HPCAL1: variants seen among roughly 807,000 people sequenced by gnomAD.
The protein encoded by HPCAL1 is hippocalcin like 1.
A neutral mutation model predicts 17.1 loss-of-function variants in HPCAL1; 8 were observed. The ratio of observed to expected loss-of-function variants is 0.47; its 90% CI spans 0.27 to 0.84. HPCAL1 has a LOEUF of 0.84. Among genes scored for constraint, HPCAL1 ranks in the 40% least tolerant of loss-of-function variants. The pLI, the probability that HPCAL1 is intolerant of heterozygous loss-of-function variation, is 0.13. For synonymous variants in HPCAL1, 112 were observed against 111.4 expected (o/e 1.01, Z -0.03); for missense variants, 165 against 271.1 (o/e 0.61, Z 2.75).
chr2:10,316,459 C>T (rs527607858), intron 1 of HPCAL1, among the ~76,000 whole-genome samples: 23 of 152,110 alleles, frequency 1.5e-4, no homozygotes, highest in African/African-American at 2.2e-4. Context: ...TTGGGTTGAC[C>T]GTATTTCTTT....
At chr2:10,351,555 CCAGAT>C (rs1347000143) in intron 1 of HPCAL1, among the ~76,000 whole-genome samples, 1 of 152,028 alleles carries the variant, frequency 6.6e-6, no homozygotes, top group African/African-American at 2.4e-5. Flanking sequence ...CTCAGGAGTT[CCAGAT>C]CAGCCTGGGC....
At chr2:10,353,804 T>C (rs1665979084) in intron 1 of HPCAL1, among the ~76,000 whole-genome samples, 1 of 152,150 alleles carries the variant, frequency 6.6e-6, no homozygotes, top group South Asian at 2.1e-4. Context: ...TTGGACAATC[T>C]TCCCACCTCA....
intron 1 of HPCAL1, among the ~76,000 whole-genome samples, chr2:10,345,678 A>G (rs1478534370): frequency 6.6e-6 from 1 of 152,066 alleles, no homozygotes; most frequent in Non-Finnish European, 1.5e-5. Flanking sequence ...GCTGGTCTCG[A>G]ACTCTTGGGC....
At chr2:10,416,879 G>C (rs1358671396) in intron 2 of HPCAL1, among the ~76,000 whole-genome samples, 2 of 152,060 alleles carry the variant, frequency 1.3e-5, no homozygotes. Flanking sequence ...ATGGAGGCAG[G>C]GGGTGCAGGG....
At chr2:10,341,055 G>A (rs1665046077) in intron 1 of HPCAL1, among the ~76,000 whole-genome samples, 2 of 152,124 alleles carry the variant, frequency 1.3e-5, no homozygotes, top group African/African-American at 4.8e-5. Context: ...CTCCCTTCAT[G>A]TGTCTGGAGG....
intron 1 of HPCAL1, among the ~76,000 whole-genome samples, chr2:10,347,181 T>C (rs1665524170): frequency 6.6e-6 from 1 of 152,064 alleles, no homozygotes; most frequent in Non-Finnish European, 1.5e-5. Flanking sequence ...TCTGCCTCCC[T>C]GGCATCCGTG....
chr2:10,333,021 T>C (rs1050545383), intron 1 of HPCAL1, among the ~76,000 whole-genome samples: 2 of 151,866 alleles, frequency 1.3e-5, no homozygotes, highest in Non-Finnish European at 2.9e-5. Context: ...CTGTGGGAGA[T>C]TTCAGGGCTC....
rs1484006468 is a variant in HPCAL1 at position 10,362,394 on chromosome 2, C to G, written c.-110-34441C>G. Among the ~76,000 whole-genome samples the G allele has an allele frequency of 6.6e-6, 1 of 152,182 alleles. No homozygotes were observed. Among genetic ancestry groups the G allele is most frequent in the Admixed American group, 6.5e-5 (1 of 15,278 alleles). ...AAGCAGAGCCTCGAATGCCTGAGTC[C>G]TGGCTCCAGAGAGAGGCCAGCCTGA... On this transcript the variant is annotated intron_variant, in intron 1 of 4. Coordinates refer to ENST00000307845, the MANE Select transcript of HPCAL1 (RefSeq NM_002149.4). This position sits in a 1 kb window ranked among gnomAD's most constrained non-coding sequence, Gnocchi z 5.0.
At chr2:10,420,182 T>G in intron 3 of HPCAL1, 47 bp downstream of exon 3, 6 of 1,007,050 alleles carry the variant, frequency 6.0e-6, no homozygotes, top group Non-Finnish European at 8.4e-6. Flanking sequence ...CCAGGTCCCC[T>G]CCCAGCTCCC....
At chr2:10,415,404 T>C (rs1240185717) in intron 2 of HPCAL1, among the ~76,000 whole-genome samples, 1 of 152,022 alleles carries the variant, frequency 6.6e-6, no homozygotes, top group Non-Finnish European at 1.5e-5. Flanking sequence ...AACCAGTTAT[T>C]CCTCATCCTC....
rs143370055 is a variant in HPCAL1 at position 10,419,877 on chromosome 2, C to T, written c.120C>T (p.Thr40=). The T allele has an allele frequency of 2.7e-4, 428 of 1,613,902 alleles. 2 individuals carry two copies. The Middle Eastern group carries it at 6.3e-3, about 24-fold the overall frequency. ...AGGGCTTCCTCAAGGACTGCCCCAC[C>T]GGCCACCTGACCGTGGACGAGTTCA... ...WYKGFLKDCP[T]GHLTVDEFKK... is the part of the protein sequence containing the mutation. Residue 40 remains threonine, a synonymous_variant, in exon 3 of 5, where the codon ACC becomes ACT. Coordinates refer to ENST00000307845, the MANE Select transcript of HPCAL1 (RefSeq NM_002149.4). This position sits in a 1 kb window ranked among gnomAD's most constrained non-coding sequence, Gnocchi z 5.0.
At chr2:10,322,995 C>T (rs775552394) in intron 1 of HPCAL1, among the ~76,000 whole-genome samples, 3 of 152,124 alleles carry the variant, frequency 2.0e-5, no homozygotes, top group South Asian at 2.1e-4. Context: ...CTGGGACACA[C>T]GCTGCCCCCT....
intron 1 of HPCAL1, among the ~76,000 whole-genome samples, chr2:10,374,187 C>T (rs1193571459): frequency 6.6e-6 from 1 of 152,120 alleles, no homozygotes; most frequent in Non-Finnish European, 1.5e-5. Flanking sequence ...CCAGTCTCAG[C>T]TGAGTCCTCG....
chr2:10,382,342 T>G (rs1393074993), intron 1 of HPCAL1, among the ~76,000 whole-genome samples: 1 of 152,076 alleles, frequency 6.6e-6, no homozygotes, highest in Non-Finnish European at 1.5e-5. Flanking sequence ...CTGCTCTGTG[T>G]GATACTGTAG....
chr2:10,388,044 G>A (rs1668435491), intron 1 of HPCAL1, among the ~76,000 whole-genome samples: 1 of 152,280 alleles, frequency 6.6e-6, no homozygotes, highest in South Asian at 2.1e-4. Context: ...GGGACCCTCA[G>A]CCCCCAGAGG....
chr2:10,417,191 C>T (rs1670727116), intron 2 of HPCAL1, among the ~76,000 whole-genome samples: 1 of 151,994 alleles, frequency 6.6e-6, no homozygotes, highest in Non-Finnish European at 1.5e-5. Context: ...GGTGAAACCC[C>T]ATCTCTACTA....
At chr2:10,348,411 T>G (rs1384263949) in intron 1 of HPCAL1, among the ~76,000 whole-genome samples, 1 of 152,058 alleles carries the variant, frequency 6.6e-6, no homozygotes, top group East Asian at 1.9e-4. Context: ...ATCGCTCCAC[T>G]GCACTCCAGC....
chr2:10,417,187 A>AC (rs1429610057), intron 2 of HPCAL1, among the ~76,000 whole-genome samples: 1 of 151,952 alleles, frequency 6.6e-6, no homozygotes, highest in Non-Finnish European at 1.5e-5. Context: ...ACATGGTGAA[A>AC]CCCCATCTCT....
chr2:10,395,644 T>C lies in HPCAL1; in HGVS notation c.-110-1191T>C, dbSNP rs926463417. On this transcript the variant is annotated intron_variant, in intron 1 of 4. Coordinates refer to ENST00000307845, the MANE Select transcript of HPCAL1 (RefSeq NM_002149.4). The surrounding 1 kb of genome is among the most constrained non-coding windows in gnomAD (Gnocchi z 4.4). Reference sequence around the variant, plus strand: ...TTGCTATGAGAGAGAGAACCTTGCGTTGGGAGAAAGTAATTAGGGAGTGTG... The same window carrying C: ...TTGCTATGAGAGAGAGAACCTTGCGCTGGGAGAAAGTAATTAGGGAGTGTG... 7.9e-5 allele frequency among the ~76,000 whole-genome samples: 12 copies of C among 152,148 alleles called. No individual in the cohort carries two copies. The highest frequency in any genetic ancestry group is 1.6e-4 in the Non-Finnish European group (11 of 67,982).
Sources: gnomAD v4.1 joint callset for allele counts (sites outside exome capture counted in the v4.1 genomes callset) on GRCh38, gnomAD v4.1.1 for gene constraint, Gnocchi (gnomAD v3.1) non-coding constraint, MANE v1.5 for transcripts, NCBI Gene and HGNC (gene_info 2026-07-23, HGNC 2026-07-21) for gene names.